The following CSMD2 variants were observed in gnomAD, a reference collection of about 807,000 sequenced individuals.
CSMD2 encodes the protein CUB and sushi domain-containing protein 2.
CSMD2 carries 130 observed loss-of-function variants against 398.5 expected under a neutral mutation model. The ratio of observed to expected loss-of-function variants is 0.33; its 90% CI spans 0.28 to 0.38. The LOEUF is 0.38. Among genes scored for constraint, CSMD2 ranks in the 10% least tolerant of loss-of-function variants. CSMD2 has a pLI of 1.00. For synonymous variants in CSMD2, 1,828 were observed against 1,908.5 expected (o/e 0.96, Z 1.10); for missense variants, 3,829 against 4,764.9 (o/e 0.80, Z 5.78).
chr1:33,675,949 G>C (rs1248653256), intron 25 of CSMD2, among the ~76,000 whole-genome samples: 1 of 152,116 alleles, frequency 6.6e-6, no homozygotes, highest in Non-Finnish European at 1.5e-5. Context: ...GGTATTGATG[G>C]GACGTATCTC....
chr1:33,672,005 G>A (rs1644518273), intron 25 of CSMD2, among the ~76,000 whole-genome samples: 1 of 152,194 alleles, frequency 6.6e-6, no homozygotes. Flanking sequence ...AAGGGGGGTG[G>A]AGCCAAGATG....
At chr1:33,672,767 C>T (rs191754450) in intron 25 of CSMD2, among the ~76,000 whole-genome samples, 52 of 152,314 alleles carry the variant, frequency 3.4e-4, no homozygotes, top group African/African-American at 1.2e-3. Context: ...GATAAAACTT[C>T]CAGAGGAACG....
At chr1:34,011,851 T>A (rs983680695) in intron 3 of CSMD2, among the ~76,000 whole-genome samples, 2 of 152,098 alleles carry the variant, frequency 1.3e-5, no homozygotes, top group Non-Finnish European at 2.9e-5. Context: ...CCATTAATCA[T>A]CCTCCCCTCC....
At position 33,550,212 on chromosome 1, in the gene CSMD2, T is replaced by C. The variant is rs2148627227; in HGVS notation, c.8882A>G (p.Asp2961Gly). The change falls in exon 56 of 71, where the codon GAT (aspartate) becomes GGT (glycine). Residue 2961 changes from aspartate to glycine, a missense_variant. Coordinates refer to ENST00000373381, the MANE Select transcript of CSMD2 (RefSeq NM_001281956.2). Reference protein sequence around the residue: ...VGNSTRMCGLDGHWTGSLPHC... With the variant: ...VGNSTRMCGLGGHWTGSLPHC... Reference sequence around the variant, plus strand: ...AGGGAGGGAGCCAGTCCAGTGTCCATCCAGCCCACACATGCGGGTGCTGTT... The same window carrying C: ...AGGGAGGGAGCCAGTCCAGTGTCCACCCAGCCCACACATGCGGGTGCTGTT... 2 of 1,614,108 alleles carry C rather than the reference T, an allele frequency of 1.2e-6. No homozygotes were observed. Among genetic ancestry groups the C allele is most frequent in the Non-Finnish European group, 1.7e-6 (2 of 1,180,012 alleles).
Position 33,853,248 on chromosome 1 carries a change from A to G in CSMD2, c.921-6252T>C, listed in dbSNP as rs868524837. On this transcript the variant is annotated intron_variant, in intron 5 of 70. Transcript: ENST00000373381. ...TTCACCATTTCAAATGTTGCTACAG[A>G]TCGTCCAGCCAACAAATATTTCTTG... Among the ~76,000 whole-genome samples the G allele has an allele frequency of 1.6e-4, 24 of 152,192 alleles. 1 individual carries two copies. Among genetic ancestry groups the G allele is most frequent in the African/African-American group, 5.6e-4 (23 of 41,438 alleles).
intron 5 of CSMD2, chr1:33,864,733 A>G: frequency 6.2e-7 from 1 of 1,611,176 alleles, no homozygotes. Flanking sequence ...TGCAGAGGGA[A>G]AAGAGTCAGG....
chr1:34,039,831 G>T (rs1318398462), intron 2 of CSMD2, among the ~76,000 whole-genome samples: 1 of 152,124 alleles, frequency 6.6e-6, no homozygotes, highest in Non-Finnish European at 1.5e-5. Context: ...AGGGCAGGGG[G>T]ATAGTAGATA....
chr1:34,007,741 T>C (rs1055579354), intron 3 of CSMD2, among the ~76,000 whole-genome samples: 3 of 152,202 alleles, frequency 2.0e-5, no homozygotes, highest in Non-Finnish European at 2.9e-5. Context: ...GCAATATAAA[T>C]AGCATAAATA....
In CSMD2 at chr1:33,605,321, T is replaced by G. The variant is rs767866054; in HGVS notation, c.6493A>C (p.Thr2165Pro). 5 of 1,614,124 alleles carry G rather than the reference T, an allele frequency of 3.1e-6. No individual in the cohort carries two copies. The South Asian group carries it at 4.4e-5, about 14-fold the overall frequency. Residue 2165 changes from threonine to proline, a missense_variant, in exon 42 of 71, where the codon ACC becomes CCC. Thr to Pro is a conservative substitution (Grantham distance 38). Coordinates refer to ENST00000373381, the MANE Select transcript of CSMD2 (RefSeq NM_001281956.2). ...GHPVLTCQHGTNRNWDHPLPK... is the reference protein window; with the variant it reads ...GHPVLTCQHGPNRNWDHPLPK... ...AGGGGGTGGTCCCAGTTCCGGTTGG[T>G]GCCATGTTGACACGTGAGGACAGGG...
rs1232666046 is a variant in CSMD2, at chr1:33,834,345, C to T, written c.1034-8571G>A. Reference sequence around the variant, plus strand: ...AGAACAGAGCCCTCAGAAATAACGCCGCATATCTACAACTATCTGATCTTC... The same window carrying T: ...AGAACAGAGCCCTCAGAAATAACGCTGCATATCTACAACTATCTGATCTTC... On this transcript the variant is annotated intron_variant, in intron 6 of 70. Coordinates refer to ENST00000373381, the MANE Select transcript of CSMD2 (RefSeq NM_001281956.2). Among the ~76,000 whole-genome samples the T allele has an allele frequency of 1.0e-3, 80 of 79,210 alleles. 1 individual carries two copies. The highest frequency in any genetic ancestry group is 1.3e-3 in the Admixed American group (8 of 6,318). 52.0% of individuals were successfully genotyped at this position (79,210 alleles called of 152,430 possible). A position where few individuals can be genotyped will look rare whatever the true frequency, so the allele number is the denominator to read the frequency against.
chr1:33,698,299 A>G (rs1037525517), intron 24 of CSMD2, among the ~76,000 whole-genome samples: 4 of 152,202 alleles, frequency 2.6e-5, no homozygotes, highest in African/African-American at 9.7e-5. Flanking sequence ...GTCTTTTGAC[A>G]TTCCTCCAGT....
chr1:33,810,220 T>C (rs1392212097), intron 10 of CSMD2, among the ~76,000 whole-genome samples: 1 of 152,008 alleles, frequency 6.6e-6, no homozygotes, highest in East Asian at 1.9e-4. Context: ...GAAATAAACA[T>C]GAAAAAATGT....
intron 56 of CSMD2, among the ~76,000 whole-genome samples, chr1:33,547,921 T>C (rs757134402): frequency 4.6e-5 from 7 of 152,210 alleles, no homozygotes; most frequent in Non-Finnish European, 8.8e-5. Context: ...TGAATTGTAA[T>C]CCCCAGGTTG....
intron 13 of CSMD2, among the ~76,000 whole-genome samples, chr1:33,748,225 T>C (rs1183330193): frequency 1.3e-5 from 2 of 152,188 alleles, no homozygotes; most frequent in East Asian, 1.9e-4. Flanking sequence ...AAATTATGTA[T>C]GCATGTTGTA....
At chr1:33,678,094 A>T (rs1017918518) in intron 25 of CSMD2, among the ~76,000 whole-genome samples, 1 of 151,580 alleles carries the variant, frequency 6.6e-6, no homozygotes, top group African/African-American at 2.4e-5. Flanking sequence ...TATACCCTAA[A>T]ACTTAAAGTA....
intron 1 of CSMD2, among the ~76,000 whole-genome samples, chr1:34,112,005 TC>T (rs1260614971): frequency 6.7e-4 from 101 of 151,784 alleles, no homozygotes; most frequent in Middle Eastern, 3.4e-3. Context: ...TCTCTCTCTC[TC>T]TCTCTCTCTC....
chr1:33,576,830 T>C (rs892497622), intron 49 of CSMD2, among the ~76,000 whole-genome samples: 1 of 152,160 alleles, frequency 6.6e-6, no homozygotes, highest in Non-Finnish European at 1.5e-5. Context: ...TTCAGATTTT[T>C]AGTTTGAATG....
At chr1:33,803,960 A>T (rs1189325239) in intron 10 of CSMD2, among the ~76,000 whole-genome samples, 2 of 152,226 alleles carry the variant, frequency 1.3e-5, no homozygotes, top group African/African-American at 4.8e-5. Flanking sequence ...CAGCTATGTA[A>T]GTGCATGGGC....
chr1:33,940,708 T>C (rs1175283798), intron 3 of CSMD2, among the ~76,000 whole-genome samples: 4 of 152,196 alleles, frequency 2.6e-5, no homozygotes, highest in Admixed American at 6.5e-5. Context: ...AGGCAAAGCA[T>C]CCAAGCACAT....
Sources: allele counts gnomAD v4.1 joint callset (sites outside exome capture counted in the v4.1 genomes callset), GRCh38; gene constraint gnomAD v4.1.1; transcripts MANE v1.5; gene names NCBI Gene and HGNC (gene_info 2026-07-23, HGNC 2026-07-21).